ANGPTL1: variants seen among roughly 807,000 people sequenced by gnomAD.
ANGPTL1 encodes the protein angiopoietin like 1.
A neutral mutation model predicts 46.7 loss-of-function variants in ANGPTL1; 36 were observed. The ratio of observed to expected loss-of-function variants is 0.77; its 90% confidence interval spans 0.59 to 1.02. ANGPTL1 has a LOEUF of 1.02. Ranked by LOEUF, ANGPTL1 falls within the 50% of genes least tolerant of loss-of-function variation. ANGPTL1 has a pLI of 0.00. For synonymous variants in ANGPTL1, 221 were observed against 204.3 expected (o/e 1.08, Z -0.69); for missense variants, 571 against 594.7 (o/e 0.96, Z 0.41).
At position 178,853,020 on chromosome 1, in the gene ANGPTL1, A is replaced by G; in HGVS notation, c.1018-67T>C. Reference sequence around the variant, plus strand: ...GAGATAGTAAACATTTTTACAGAGCAGTGTTAAACATTCGATAGCATAAAG... The same window carrying G: ...GAGATAGTAAACATTTTTACAGAGCGGTGTTAAACATTCGATAGCATAAAG... On this transcript the variant is annotated intron_variant, in intron 4 of 5. Transcript: ENST00000234816. The G allele has an allele frequency of 2.0e-6, 3 of 1,521,226 alleles. No homozygotes were observed. The African/African-American group carries it at 4.2e-5, about 21-fold the overall frequency. The allele number at this position is 1,521,226 out of a possible 1,614,324, so 94.2% of individuals were successfully genotyped here.
intron 3 of ANGPTL1, among the ~76,000 whole-genome samples, chr1:178,857,714 TTACTC>T (rs1225504995): frequency 6.6e-6 from 1 of 152,190 alleles, no homozygotes; most frequent in African/African-American, 2.4e-5. Flanking sequence ...TCGTAAATGT[TTACTC>T]TGCATTCATT....
At chr1:178,869,705 AT>A (rs1658630597) in intron 1 of ANGPTL1, among the ~76,000 whole-genome samples, 1 of 152,104 alleles carries the variant, frequency 6.6e-6, no homozygotes, top group African/African-American at 2.4e-5. Flanking sequence ...GTTGGAAAAA[AT>A]TTTAGCTTTA....
intron 3 of ANGPTL1, among the ~76,000 whole-genome samples, chr1:178,857,046 T>C (rs76799378): frequency 0.015 from 2,352 of 152,250 alleles, 56 homozygotes; most frequent in African/African-American, 0.053. Flanking sequence ...AAACATGCAT[T>C]GTAGTCAAGT....
At chr1:178,866,753 T>G (rs1416140302) in intron 2 of ANGPTL1, among the ~76,000 whole-genome samples, 2 of 152,176 alleles carry the variant, frequency 1.3e-5, no homozygotes, top group African/African-American at 4.8e-5. Context: ...TAGATCGGAT[T>G]CTCTGACCCA....
Position 178,851,159 on chromosome 1 carries a change from T to G in ANGPTL1, c.1446A>C (p.Ala482=). Residue 482 remains alanine (A), a synonymous_variant, in exon 6 of 6, where the codon GCA becomes GCC. Transcript: ENST00000234816. ...CAATAGGCTTGATCATCATCTGAACTGCTCTTAAGGAGTATGACCCGCCTC... is the reference window on the plus strand; with the variant it reads ...CAATAGGCTTGATCATCATCTGAACGGCTCTTAAGGAGTATGACCCGCCTC... The part of the protein sequence containing the change: ...EYRGGSYSLR[A]VQMMIKPID 1 of 1,613,672 alleles carries G rather than the reference T, an allele frequency of 6.2e-7. No homozygotes were observed. The highest frequency in any genetic ancestry group is 8.5e-7 in the Non-Finnish European group (1 of 1,179,768).
rs776962666 is a variant in ANGPTL1, at chr1:178,853,669, G to A, written c.942C>T (p.Asp314=). The part of the protein sequence containing the change: ...PMQLWCENSL[D]PGGWTVIQKR... Reference sequence around the variant, plus strand: ...TCTGAATAACAGTCCAACCCCCAGGGTCCAAACTGTTTTCACACCATAACT... The same window carrying A: ...TCTGAATAACAGTCCAACCCCCAGGATCCAAACTGTTTTCACACCATAACT... Residue 314 remains aspartate, a synonymous_variant, in exon 4 of 6, where the codon GAC becomes GAT. Coordinates refer to ENST00000234816, the MANE Select transcript of ANGPTL1 (RefSeq NM_004673.4). The A allele has an allele frequency of 1.9e-6, 3 of 1,612,650 alleles. No individual in the cohort carries two copies. In the South Asian group the frequency reaches 3.3e-5, roughly 18 times the overall value.
rs904973605 is a variant in ANGPTL1 at position 178,850,284 on chromosome 1, GA to G, written c.*844del. Reference sequence around the variant, plus strand: ...TTGTAGTAGTAAGATCAGTAAATTAGAAAAAAAGTAATAATAAATTAGAACT... The same window carrying G: ...TTGTAGTAGTAAGATCAGTAAATTAGAAAAAAGTAATAATAAATTAGAACT... On this transcript the variant is annotated 3_prime_UTR_variant, in exon 6 of 6. Coordinates refer to ENST00000234816, the MANE Select transcript of ANGPTL1 (RefSeq NM_004673.4). 1 of 152,194 alleles carries G rather than the reference GA, an allele frequency of 6.6e-6. No individual in the cohort carries two copies. The highest frequency in any genetic ancestry group is 2.4e-5 in the African/African-American group (1 of 41,372). 9.4% of individuals were successfully genotyped at this position (152,194 alleles called of 1,614,324 possible).
In ANGPTL1 at chr1:178,853,637, G is replaced by C. The variant is rs1465607407; in HGVS notation, c.974C>G (p.Thr325Arg). The stretch of plus-strand genomic sequence containing the variant: ...TCTGAAGAAGTTGACAGAGCCGTCT[G>C]TTCTTTTCTGAATAACAGTCCAACC... The part of the protein sequence containing the change: ...PGGWTVIQKR[T>R]DGSVNFFRNW... Residue 325 changes from threonine to arginine, a missense_variant, in exon 4 of 6, where the codon ACA becomes AGA. By Grantham distance (71) the Thr-to-Arg change is moderately conservative (BLOSUM62 -1). Transcript: ENST00000234816. The C allele has an allele frequency of 6.2e-7, 1 of 1,609,070 alleles. No individual in the cohort carries two copies. The highest frequency in any genetic ancestry group is 8.5e-7 in the Non-Finnish European group (1 of 1,177,926).
intron 5 of ANGPTL1, among the ~76,000 whole-genome samples, 184 bp from the exon 6 acceptor site, chr1:178,851,500 C>G (rs1173818376): frequency 6.6e-6 from 1 of 152,066 alleles, no homozygotes; most frequent in Admixed American, 6.6e-5. Context: ...TGAAAAATCA[C>G]TTGAATTGCC....
chr1:178,867,667 A>G (rs1017895667), intron 2 of ANGPTL1, among the ~76,000 whole-genome samples: 2 of 151,948 alleles, frequency 1.3e-5, no homozygotes, highest in Non-Finnish European at 2.9e-5. Flanking sequence ...TAATTATGCA[A>G]AAGTATTTAT....
chr1:178,851,250 C>G lies in ANGPTL1; in HGVS notation c.1355G>C (p.Gly452Ala). The G allele has an allele frequency of 6.2e-7, 1 of 1,613,874 alleles. No homozygotes were observed. Among genetic ancestry groups the G allele is most frequent in the South Asian group, 1.1e-5 (1 of 91,036 alleles). ...YNACAHSNLN[G>A]VWYRGGHYRS... is the part of the protein sequence containing the mutation. Reference sequence around the variant, plus strand: ...GTAATGGCCTCCTCTGTACCATACTCCATTTAGGTTAGAATGTGCACAGGC... The same window carrying G: ...GTAATGGCCTCCTCTGTACCATACTGCATTTAGGTTAGAATGTGCACAGGC... Residue 452 changes from glycine to alanine, a missense_variant, in exon 6 of 6, where the codon GGA (glycine) becomes GCA (alanine). Transcript: ENST00000234816.
At chr1:178,856,479 A>G (rs74944562) in intron 3 of ANGPTL1, among the ~76,000 whole-genome samples, 3,043 of 131,386 alleles carry the variant, frequency 0.023, 116 homozygotes, top group African/African-American at 0.086. Flanking sequence ...TCCAGGTCTC[A>G]AGTGAACTCC....
intron 3 of ANGPTL1, among the ~76,000 whole-genome samples, chr1:178,864,188 C>T (rs554262640): frequency 7.9e-5 from 12 of 151,880 alleles, no homozygotes; most frequent in Non-Finnish European, 1.6e-4. Context: ...TTCTGGACAC[C>T]TAGATCAGTG....
At position 178,865,805 on chromosome 1, in the gene ANGPTL1, T is replaced by C; in HGVS notation, c.-26-3A>G. The C allele has an allele frequency of 1.3e-6, 2 of 1,506,250 alleles. No homozygotes were observed. Among genetic ancestry groups the C allele is most frequent in the Non-Finnish European group, 1.8e-6 (2 of 1,123,114 alleles). 93.3% of individuals were successfully genotyped at this position (1,506,250 alleles called of 1,614,324 possible). ...GAAATGAGGTTGTAAAATGATGTCT[T>C]TTGAAAAACAAATCAGTGAAGGAGA... On this transcript the variant is annotated splice_polypyrimidine_tract_variant and splice_region_variant and intron_variant, in intron 2 of 5. Coordinates refer to ENST00000234816, the MANE Select transcript of ANGPTL1 (RefSeq NM_004673.4).
At position 178,853,609 on chromosome 1, in the gene ANGPTL1, A is replaced by G. The variant is rs779674953; in HGVS notation, c.1002T>C (p.Asn334=). The G allele has an allele frequency of 9.4e-6, 15 of 1,594,936 alleles. No homozygotes were observed. Among genetic ancestry groups the G allele is most frequent in the Middle Eastern group, 1.7e-4 (1 of 6,000 alleles). Reference sequence around the variant, plus strand: ...ACTGATTTACCTTATAATTTTCCCAATTTCTGAAGAAGTTGACAGAGCCGT... The same window carrying G: ...ACTGATTTACCTTATAATTTTCCCAGTTTCTGAAGAAGTTGACAGAGCCGT... ...RTDGSVNFFR[N]WENYKKGFGN... The change falls in exon 4 of 6, where the codon AAT becomes AAC. Residue 334 remains asparagine, a synonymous_variant. Transcript: ENST00000234816.
chr1:178,852,746 A>T lies in ANGPTL1; in HGVS notation c.1225T>A (p.Ser409Thr). 1 of 1,613,906 alleles carries T rather than the reference A, an allele frequency of 6.2e-7. No individual in the cohort carries two copies. Among genetic ancestry groups the T allele is most frequent in the Non-Finnish European group, 8.5e-7 (1 of 1,179,860 alleles). The change falls in exon 5 of 6, where the codon TCT (serine) becomes ACT (threonine). Residue 409 changes from serine (S) to threonine (T), a missense_variant. Transcript: ENST00000234816. ...LGTYQGNAGDSMMWHNGKQFT... is the reference protein window; with the variant it reads ...LGTYQGNAGDTMMWHNGKQFT... Reference sequence around the variant, plus strand: ...TGTTTACCATTATGCCACATCATAGAATCCCCTGCATTTCCCTGGTAAGTT... The same window carrying T: ...TGTTTACCATTATGCCACATCATAGTATCCCCTGCATTTCCCTGGTAAGTT...
chr1:178,869,468 T>C (rs1658614603), intron 1 of ANGPTL1, among the ~76,000 whole-genome samples: 1 of 152,094 alleles, frequency 6.6e-6, no homozygotes, highest in Non-Finnish European at 1.5e-5. Flanking sequence ...TCTGTGTAAT[T>C]TGGGGTTCAG....
rs1039454747 is a variant in ANGPTL1, at chr1:178,850,190, T to G, written c.*939A>C. 7 of 152,670 alleles carry G rather than the reference T, an allele frequency of 4.6e-5. No individual in the cohort carries two copies. The highest frequency in any genetic ancestry group is 1.7e-4 in the African/African-American group (7 of 41,468). 9.5% of individuals were successfully genotyped at this position (152,670 alleles called of 1,614,324 possible). A position where few individuals can be genotyped will look rare whatever the true frequency, so the allele number is the denominator to read the frequency against. Reference sequence around the variant, plus strand: ...GTTTTAGTCCCACCTGTTCTGAGCATGCACTAATACTTGTAAAGCTGTCCA... The same window carrying G: ...GTTTTAGTCCCACCTGTTCTGAGCAGGCACTAATACTTGTAAAGCTGTCCA... On this transcript the variant is annotated 3_prime_UTR_variant, in exon 6 of 6. Coordinates refer to ENST00000234816, the MANE Select transcript of ANGPTL1 (RefSeq NM_004673.4).
Position 178,869,181 on chromosome 1 carries a change from A to T in ANGPTL1, c.-94T>A, listed in dbSNP as rs563058751. The T allele has an allele frequency of 1.3e-5, 2 of 152,144 alleles. No individual in the cohort carries two copies. Among genetic ancestry groups the T allele is most frequent in the African/African-American group, 4.8e-5 (2 of 41,558 alleles). 9.4% of individuals were successfully genotyped at this position (152,144 alleles called of 1,614,324 possible). On this transcript the variant is annotated 5_prime_UTR_variant, in exon 2 of 6. Transcript: ENST00000234816. ...AAAAAGTCTTCTATGCGTTGGGTTA[A>T]TTTTATTAGTAGCTTTTCTCTTCAT... is the stretch of plus-strand genomic sequence containing the variant.
Sources: gnomAD v4.1 joint callset for allele counts (sites outside exome capture counted in the v4.1 genomes callset) on GRCh38, gnomAD v4.1.1 for gene constraint, MANE v1.5 for transcripts, NCBI Gene and HGNC (gene_info 2026-07-23, HGNC 2026-07-21) for gene names.